The following GLYATL1B variants were observed in gnomAD, a reference collection of about 807,000 sequenced individuals.
The protein encoded by GLYATL1B is glycine-N-acyltransferase like 1B.
A neutral mutation model predicts 5.5 loss-of-function variants in GLYATL1B; 6 were observed. The ratio of observed to expected loss-of-function variants is 1.09; its 90% CI spans 0.60 to 2.15. The LOEUF (loss-of-function observed/expected upper bound fraction) is 2.15, where lower values mean the gene tolerates loss of function less well. GLYATL1B is among the 30% of genes most tolerant of loss of function. The pLI is 0.00. For missense variants in GLYATL1B, 135 were observed against 94.1 expected, an observed-to-expected ratio of 1.43 and a Z score of -1.80; for synonymous variants, 67 against 34.9, an observed-to-expected ratio of 1.92 and a Z score of -3.24.
In GLYATL1B at chr11:59,094,636, G is replaced by A; in HGVS notation, c.759G>A (p.Lys253=). Residue 253 remains lysine, a synonymous_variant, in exon 5 of 5, where the codon AAG becomes AAA. Transcript: ENST00000527482. The part of the protein sequence containing the change: ...NGTRLIMRCM[K]YLCQKNIPFY... Reference sequence around the variant, plus strand: ...CACGGCTGATCATGCGATGCATGAAGTATCTGTGTCAGAAGAATATTCCAT... The same window carrying A: ...CACGGCTGATCATGCGATGCATGAAATATCTGTGTCAGAAGAATATTCCAT... The A allele has an allele frequency of 2.3e-6, 1 of 435,070 alleles. No individual in the cohort carries two copies. The allele number at this position is 435,070 out of a possible 1,614,324, so 27.0% of individuals were successfully genotyped here. A position where few individuals can be genotyped will look rare whatever the true frequency, so the allele number is the denominator to read the frequency against.
rs965961307 is a variant in GLYATL1B at position 59,094,718 on chromosome 11, G to C, written c.841G>C (p.Gly281Arg). 1 of 460,596 alleles carries C rather than the reference G, an allele frequency of 2.2e-6. No individual in the cohort carries two copies. The highest frequency in any genetic ancestry group is 3.9e-6 in the Non-Finnish European group (1 of 253,308). The allele number at this position is 460,596 out of a possible 1,614,324, so 28.5% of individuals were successfully genotyped here. A position where few individuals can be genotyped will look rare whatever the true frequency, so the allele number is the denominator to read the frequency against. ...QGVIRKTSAL[G>R]FLEASCQWHQ... ...CGTCATCAGAAAGACTAGTGCACTAGGTTTCCTTGAGGCCTCCTGTCAGTG... is the reference window on the plus strand; with the variant it reads ...CGTCATCAGAAAGACTAGTGCACTACGTTTCCTTGAGGCCTCCTGTCAGTG... The change falls in exon 5 of 5, where the codon GGT becomes CGT. Residue 281 changes from glycine to arginine, a missense_variant. Physicochemically the swap from Gly to Arg is moderately radical, Grantham distance 125. Coordinates refer to ENST00000527482, the MANE Select transcript of GLYATL1B (RefSeq NM_001355566.1).
intron 2 of GLYATL1B, among the ~76,000 whole-genome samples, chr11:59,087,996 G>A (rs961926757): frequency 6.6e-6 from 1 of 152,200 alleles, no homozygotes; most frequent in Non-Finnish European, 1.5e-5. Context: ...TTAGAGATGA[G>A]GAAACAACAC....
chr11:59,090,247 C>A (rs578010932), intron 2 of GLYATL1B, among the ~76,000 whole-genome samples: 44 of 151,982 alleles, frequency 2.9e-4, no homozygotes, highest in Non-Finnish European at 4.7e-4. Flanking sequence ...CTTTTTCTTG[C>A]TTTCCTATTT....
intron 2 of GLYATL1B, among the ~76,000 whole-genome samples, chr11:59,092,302 T>A (rs1248913884): frequency 6.6e-6 from 1 of 152,148 alleles, no homozygotes; most frequent in East Asian, 1.9e-4. Flanking sequence ...CTGTGTCTTG[T>A]TCTACATTTC....
At chr11:59,088,677 A>G (rs1285874341) in intron 2 of GLYATL1B, among the ~76,000 whole-genome samples, 1 of 152,224 alleles carries the variant, frequency 6.6e-6, no homozygotes, top group Non-Finnish European at 1.5e-5. Context: ...AACTTCATAT[A>G]TGCATTGCTT....
At chr11:59,088,707 T>C (rs931401715) in intron 2 of GLYATL1B, among the ~76,000 whole-genome samples, 8 of 152,348 alleles carry the variant, frequency 5.3e-5, no homozygotes, top group Admixed American at 4.6e-4. Context: ...CTAGTTTTTA[T>C]ATAGTGAGTC....
chr11:59,092,923 G>A (rs7934528), intron 2 of GLYATL1B, among the ~76,000 whole-genome samples: 3,454 of 152,254 alleles, frequency 0.023, 122 homozygotes, highest in African/African-American at 0.079. Flanking sequence ...GCAGATTCTA[G>A]AACAATATAG....
Position 59,094,394 on chromosome 11 carries a change from C to T in GLYATL1B, c.517C>T (p.Gln173Ter), listed in dbSNP as rs1214282680. Residue 173 changes from glutamine to a stop codon, truncating the protein, a stop_gained, in exon 5 of 5, where the codon CAG becomes TAG. Transcript: ENST00000527482. LOFTEE classifies it low-confidence loss of function (END_TRUNC). ...ESETPNFKYA[Q>*]LNVSYSGLVN... is the part of the protein sequence containing the mutation. Reference sequence around the variant, plus strand: ...CGAGACTCCGAACTTTAAGTATGCCCAGCTGAATGTGTCTTATTCTGGGCT... The same window carrying T: ...CGAGACTCCGAACTTTAAGTATGCCTAGCTGAATGTGTCTTATTCTGGGCT... 3 of 580,600 alleles carry T rather than the reference C, an allele frequency of 5.2e-6. No individual in the cohort carries two copies. Among genetic ancestry groups the T allele is most frequent in the Non-Finnish European group, 9.4e-6 (3 of 320,540 alleles). 36.0% of individuals were successfully genotyped at this position (580,600 alleles called of 1,614,324 possible).
intron 2 of GLYATL1B, among the ~76,000 whole-genome samples, chr11:59,089,876 TTTG>T: frequency 6.6e-6 from 1 of 152,142 alleles, no homozygotes; most frequent in South Asian, 2.1e-4. Flanking sequence ...TGGGAGTTTT[TTTG>T]TTAATAATTA....
chr11:59,089,365 G>C (rs1460494909), intron 2 of GLYATL1B, among the ~76,000 whole-genome samples: 2 of 152,098 alleles, frequency 1.3e-5, no homozygotes, highest in Non-Finnish European at 2.9e-5. Context: ...AATGCAATTG[G>C]TTTCCAAAAG....
Position 59,093,618 on chromosome 11 carries a change from T to C in GLYATL1B, c.276T>C (p.Ser92=). The C allele has an allele frequency of 2.0e-6, 1 of 490,382 alleles. No homozygotes were observed. The highest frequency in any genetic ancestry group is 3.7e-6 in the Non-Finnish European group (1 of 273,226). 30.4% of individuals were successfully genotyped at this position (490,382 alleles called of 1,614,324 possible). Residue 92 remains serine (S), a synonymous_variant, in exon 3 of 5, where the codon TCT becomes TCC. Coordinates refer to ENST00000527482, the MANE Select transcript of GLYATL1B (RefSeq NM_001355566.1). ...AATCACAAGAAGTTTTGAAAAATTC[T>C]GAGATCATAAACTGGAAACAGAAAC... The part of the protein sequence containing the change: ...PQKSQEVLKN[S]EIINWKQKLQ...
intron 2 of GLYATL1B, 57 bp downstream of exon 2, chr11:59,087,228 T>A: frequency 2.1e-6 from 1 of 483,158 alleles, no homozygotes; most frequent in Admixed American, 3.3e-5. Flanking sequence ...CCTGAGGAAC[T>A]GTCCAATTCA....
At chr11:59,090,330 A>G (rs1241446728) in intron 2 of GLYATL1B, among the ~76,000 whole-genome samples, 1 of 151,988 alleles carries the variant, frequency 6.6e-6, no homozygotes, top group African/African-American at 2.4e-5. Context: ...AAGTATTGCA[A>G]TTGTGATTTG....
At chr11:59,088,974 G>A (rs568759811) in intron 2 of GLYATL1B, among the ~76,000 whole-genome samples, 1 of 152,228 alleles carries the variant, frequency 6.6e-6, no homozygotes, top group South Asian at 2.1e-4. Context: ...AATATATGCT[G>A]ATTATAGAAG....
intron 2 of GLYATL1B, among the ~76,000 whole-genome samples, chr11:59,089,415 C>A (rs1859261828): frequency 6.6e-6 from 1 of 152,274 alleles, no homozygotes; most frequent in Non-Finnish European, 1.5e-5. Context: ...CCTAAGTAGG[C>A]ACTGCCAGAC....
intron 2 of GLYATL1B, among the ~76,000 whole-genome samples, 172 bp from the exon 3 acceptor site, chr11:59,093,357 A>C (rs1332055667): frequency 6.6e-6 from 1 of 152,204 alleles, no homozygotes; most frequent in Non-Finnish European, 1.5e-5. Context: ...CACAGGTAAG[A>C]GGTCAGCAGT....
At chr11:59,092,027 AT>A (rs1859323535) in intron 2 of GLYATL1B, among the ~76,000 whole-genome samples, 1 of 152,202 alleles carries the variant, frequency 6.6e-6, no homozygotes, top group African/African-American at 2.4e-5. Context: ...TTGAAAGTCA[AT>A]TTTGATAGTT....
intron 2 of GLYATL1B, among the ~76,000 whole-genome samples, chr11:59,091,771 T>C (rs896363564): frequency 6.6e-6 from 1 of 152,172 alleles, no homozygotes; most frequent in Non-Finnish European, 1.5e-5. Context: ...AGGATGTTCA[T>C]TGCTGCACTG....
chr11:59,093,913 G>C (rs763963770), intron 3 of GLYATL1B, 21 bp from the exon 4 acceptor site: 26 of 652,102 alleles, frequency 4.0e-5, no homozygotes, highest in Middle Eastern at 5.1e-4. Context: ...TGACAATATT[G>C]CTTTCTTGGC....
Sources: gnomAD v4.1 joint callset for allele counts (sites outside exome capture counted in the v4.1 genomes callset) on GRCh38, gnomAD v4.1.1 for gene constraint, MANE v1.5 for transcripts, NCBI Gene and HGNC (gene_info 2026-07-23, HGNC 2026-07-21) for gene names.